Variants in PLAGL1 observed in about 807,000 individuals in gnomAD.
The protein encoded by PLAGL1 is zinc finger protein PLAGL1.
Under a neutral mutation model 4.6 loss-of-function variants are expected in PLAGL1, and 1 was observed. That is an observed-to-expected ratio of 0.22 (90% CI 0.08 to 1.03). The LOEUF (loss-of-function observed/expected upper bound fraction) is 1.03, where lower values mean the gene tolerates loss of function less well. PLAGL1 is among the 50% of genes least tolerant of loss of function. PLAGL1 has a pLI of 0.58. For synonymous variants in PLAGL1, 240 were observed against 237.8 expected, an observed-to-expected ratio of 1.01 and a Z score of -0.08; for missense variants, 464 against 570.4, an observed-to-expected ratio of 0.81 and a Z score of 1.90.
rs1406235960 is a variant in PLAGL1, at chr6:144,006,353, G to A, written c.-584+1737C>T. ...CCCAGTGTGTATCATTTAACAAAGAGTTACAAAGCAAACACCCATGTAACC... is the reference window on the plus strand; with the variant it reads ...CCCAGTGTGTATCATTTAACAAAGAATTACAAAGCAAACACCCATGTAACC... On this transcript the variant is annotated intron_variant, in intron 1 of 7. Transcript: ENST00000674357. The surrounding 1 kb of genome is among the most constrained non-coding windows in gnomAD (Gnocchi z 4.3). 1 of 152,114 alleles carries A rather than the reference G, an allele frequency of 6.6e-6. No individual in the cohort carries two copies. Among genetic ancestry groups the A allele is most frequent in the Non-Finnish European group, 1.5e-5 (1 of 68,026 alleles). 9.4% of individuals were successfully genotyped at this position (152,114 alleles called of 1,614,324 possible). A position where few individuals can be genotyped will look rare whatever the true frequency, so the allele number is the denominator to read the frequency against.
At chr6:144,009,062 G>C (rs889099495), upstream of PLAGL1, among the ~76,000 whole-genome samples, 1 of 152,212 alleles carries the variant, frequency 6.6e-6, no homozygotes, top group Admixed American at 6.5e-5. Flanking sequence ...TACGTAAAAA[G>C]ATTAAGAGAG....
In PLAGL1 at chr6:144,059,816, G is replaced by A. The variant is rs935367515; in HGVS notation, c.-151+4652C>T. 1.3e-5 allele frequency among the ~76,000 whole-genome samples: 2 copies of A among 152,098 alleles called. No homozygotes were observed. The highest frequency in any genetic ancestry group is 2.9e-5 in the Non-Finnish European group (2 of 68,018). On this transcript the variant is annotated intron_variant, in intron 1 of 3. Transcript: ENST00000437412. The surrounding 1 kb of genome is among the most constrained non-coding windows in gnomAD (Gnocchi z 4.9). ...CTGCTTTAGTCTTTTGGGGTACCTA[G>A]GGCCTTTTTGAGAGATCAGCCTTGA...
rs1360939377 is a variant in PLAGL1, at chr6:143,955,768, T to C, written c.-325+4701A>G. Among the ~76,000 whole-genome samples the C allele has an allele frequency of 1.3e-5, 2 of 151,918 alleles. No homozygotes were observed. Among genetic ancestry groups the C allele is most frequent in the African/African-American group, 4.8e-5 (2 of 41,334 alleles). ...ACGTATAAGACATGCTGGAGGGTGG[T>C]GGGCTGGATAATGAGATCATTTAGG... On this transcript the variant is annotated intron_variant, in intron 6 of 7. Coordinates refer to ENST00000674357, the MANE Select transcript of PLAGL1 (RefSeq NM_001317162.2). This position sits in a 1 kb window ranked among gnomAD's most constrained non-coding sequence, Gnocchi z 4.9.
At chr6:144,060,906 C>T (rs1281889753) in intron 1 of PLAGL1, among the ~76,000 whole-genome samples, 1 of 152,210 alleles carries the variant, frequency 6.6e-6, no homozygotes, top group African/African-American at 2.4e-5. Context: ...ATAAAGCTGA[C>T]TATTTCTCTA....
rs1171208780 is a variant in PLAGL1, at chr6:144,027,490, T to C, written c.-151+36978A>G. On this transcript the variant is annotated intron_variant, in intron 1 of 3. Coordinates refer to the PLAGL1 transcript ENST00000437412. The surrounding 1 kb of genome is among the most constrained non-coding windows in gnomAD (Gnocchi z 5.8). ...AATAGGAGAAATAGGAGAATGCAGA[T>C]ACCACTCAAGAGTGAGGGAGTAGAA... Among the ~76,000 whole-genome samples the C allele has an allele frequency of 6.6e-6, 1 of 152,066 alleles. No individual in the cohort carries two copies. The highest frequency in any genetic ancestry group is 6.6e-5 in the Admixed American group (1 of 15,256).
At position 144,050,469 on chromosome 6, in the gene PLAGL1, A is replaced by G. The variant is rs1477764573; in HGVS notation, c.-151+13999T>C. Among the ~76,000 whole-genome samples the G allele has an allele frequency of 6.6e-6, 1 of 152,182 alleles. No homozygotes were observed. Among genetic ancestry groups the G allele is most frequent in the Non-Finnish European group, 1.5e-5 (1 of 68,022 alleles). ...TCTTTTCTTCTGTCTGAGGAGAGAAAGATTCTTCTACACTCTTTTAAGGCT... is the reference window on the plus strand; with the variant it reads ...TCTTTTCTTCTGTCTGAGGAGAGAAGGATTCTTCTACACTCTTTTAAGGCT... On this transcript the variant is annotated intron_variant, in intron 1 of 3. Coordinates refer to the PLAGL1 transcript ENST00000437412. The surrounding 1 kb of genome is among the most constrained non-coding windows in gnomAD (Gnocchi z 4.3).
rs186764842 is a variant in PLAGL1, at chr6:143,957,565, G to A, written c.-325+2904C>T. ...GGAACCAGAACTCTAATTAGCAGCAGGACCTATTATTTTTCCAATAAGGTT... is the reference window on the plus strand; with the variant it reads ...GGAACCAGAACTCTAATTAGCAGCAAGACCTATTATTTTTCCAATAAGGTT... On this transcript the variant is annotated intron_variant, in intron 6 of 7. Coordinates refer to ENST00000674357, the MANE Select transcript of PLAGL1 (RefSeq NM_001317162.2). This position sits in a 1 kb window ranked among gnomAD's most constrained non-coding sequence, Gnocchi z 4.2. Among the ~76,000 whole-genome samples the A allele has an allele frequency of 1.3e-4, 20 of 152,306 alleles. No homozygotes were observed. The highest frequency in any genetic ancestry group is 4.1e-4 in the South Asian group (2 of 4,826).
Position 143,941,610 on chromosome 6 carries a change from A to G in PLAGL1, c.1206T>C (p.Thr402=). 13 of 1,613,714 alleles carry G rather than the reference A, an allele frequency of 8.1e-6. No homozygotes were observed. Among genetic ancestry groups the G allele is most frequent in the South Asian group, 1.1e-5 (1 of 91,072 alleles). ...PATQNTFGNS[T]LALGPGESLP... ...AAGATTCCCCAGGCCCCAGGGCAAG[A>G]GTGCTATTCCCAAAGGTATTTTGGG... The change falls in exon 8 of 8, where the codon ACT becomes ACC. Residue 402 remains threonine (T), a synonymous_variant. Transcript: ENST00000674357. The surrounding 1 kb of genome is among the most constrained non-coding windows in gnomAD (Gnocchi z 6.0).
At position 143,948,794 on chromosome 6, in the gene PLAGL1, A is replaced by C. The variant is rs74422778; in HGVS notation, c.-324-334T>G. On this transcript the variant is annotated intron_variant, in intron 6 of 7. Transcript: ENST00000674357. The surrounding 1 kb of genome is among the most constrained non-coding windows in gnomAD (Gnocchi z 6.0). The stretch of plus-strand genomic sequence containing the variant: ...ACAACAACAACAACAACAACAACAA[A>C]CAAAAACCTCCCTCCCTCAGTGTGT... 1.8e-3 allele frequency among the ~76,000 whole-genome samples: 160 copies of C among 87,848 alleles called. No homozygotes were observed. The highest frequency in any genetic ancestry group is 8.7e-3 in the African/African-American group (153 of 17,582). 57.6% of individuals were successfully genotyped at this position (87,848 alleles called of 152,430 possible). A position where few individuals can be genotyped will look rare whatever the true frequency, so the allele number is the denominator to read the frequency against.
rs1483436581 is a variant in PLAGL1, at chr6:143,962,757, G to A, written c.-399+2030C>T. Among the ~76,000 whole-genome samples, 6 of 152,098 alleles carry A rather than the reference G, an allele frequency of 3.9e-5. No individual in the cohort carries two copies. The highest frequency in any genetic ancestry group is 3.9e-4 in the Admixed American group (6 of 15,260). The stretch of plus-strand genomic sequence containing the variant: ...AGCTCATTCACTTCTAGCGACTCCT[G>A]GTTTTACTTAAGCAAATTCTCCAAA... On this transcript the variant is annotated intron_variant, in intron 5 of 7. Coordinates refer to ENST00000674357, the MANE Select transcript of PLAGL1 (RefSeq NM_001317162.2). The surrounding 1 kb of genome is among the most constrained non-coding windows in gnomAD (Gnocchi z 5.3).
At chr6:144,024,254 A>G (rs929671749) in intron 1 of PLAGL1, among the ~76,000 whole-genome samples, 1 of 152,166 alleles carries the variant, frequency 6.6e-6, no homozygotes, top group African/African-American at 2.4e-5. Context: ...TTCTCCAATA[A>G]AAGGAACCAT....
At chr6:144,003,587 G>T (rs1397624434) in intron 1 of PLAGL1, among the ~76,000 whole-genome samples, 1 of 142,920 alleles carries the variant, frequency 7.0e-6, no homozygotes, top group Non-Finnish European at 1.5e-5. Flanking sequence ...TCGTGCCACT[G>T]CACTCCAGCC....
chr6:144,013,676 G>A lies in PLAGL1; in HGVS notation c.-150-44698C>T, dbSNP rs80155807. On this transcript the variant is annotated intron_variant, in intron 1 of 3. Transcript: ENST00000437412. This position sits in a 1 kb window ranked among gnomAD's most constrained non-coding sequence, Gnocchi z 4.4. ...ACCACTGCCATTCCCTGGCTTCCTCGGCTTCCTTGGCTTGCGGCCACAGCA... is the reference window on the plus strand; with the variant it reads ...ACCACTGCCATTCCCTGGCTTCCTCAGCTTCCTTGGCTTGCGGCCACAGCA... Among the ~76,000 whole-genome samples the A allele has an allele frequency of 0.14, 20,640 of 152,134 alleles. 1,828 individuals are homozygous for A. The highest frequency in any genetic ancestry group is 0.26 in the Admixed American group (3,909 of 15,300).
At position 143,963,989 on chromosome 6, in the gene PLAGL1, C is replaced by A. The variant is rs1783912330; in HGVS notation, c.-399+798G>T. Among the ~76,000 whole-genome samples, 1 of 152,124 alleles carries A rather than the reference C, an allele frequency of 6.6e-6. No individual in the cohort carries two copies. Among genetic ancestry groups the A allele is most frequent in the Non-Finnish European group, 1.5e-5 (1 of 68,022 alleles). On this transcript the variant is annotated intron_variant, in intron 5 of 7. Coordinates refer to ENST00000674357, the MANE Select transcript of PLAGL1 (RefSeq NM_001317162.2). The surrounding 1 kb of genome is among the most constrained non-coding windows in gnomAD (Gnocchi z 6.1). The stretch of plus-strand genomic sequence containing the variant: ...CTGTCTTTGTTAACAATATCTAAAC[C>A]CAGAGAAGAAATTCTGCTGGACTTC...
chr6:143,991,546 T>C (rs1001797271), intron 1 of PLAGL1, among the ~76,000 whole-genome samples: 10 of 152,320 alleles, frequency 6.6e-5, no homozygotes, highest in African/African-American at 2.4e-4. Context: ...ATTCAGACAT[T>C]GCACTCGCTC....
Position 143,997,012 on chromosome 6 carries a change from G to C in PLAGL1, c.-584+11078C>G, listed in dbSNP as rs1393664336. Among the ~76,000 whole-genome samples, 3 of 152,012 alleles carry C rather than the reference G, an allele frequency of 2.0e-5. No individual in the cohort carries two copies. The highest frequency in any genetic ancestry group is 4.4e-5 in the Non-Finnish European group (3 of 68,012). The stretch of plus-strand genomic sequence containing the variant: ...AAACCACTAAAAACCCGATAAACTG[G>C]ATTTCATTAAGACACCAAAAGACAG... On this transcript the variant is annotated intron_variant, in intron 1 of 7. Transcript: ENST00000674357. The surrounding 1 kb of genome is among the most constrained non-coding windows in gnomAD (Gnocchi z 4.6).
At position 143,962,367 on chromosome 6, in the gene PLAGL1, A is replaced by T. The variant is rs908395030; in HGVS notation, c.-398-1825T>A. On this transcript the variant is annotated intron_variant, in intron 5 of 7. Transcript: ENST00000674357. The surrounding 1 kb of genome is among the most constrained non-coding windows in gnomAD (Gnocchi z 5.3). ...ATTATTCTTTTTTAAGTATGTGGTT[A>T]AAAATGACCCTATAAAATTAAACAA... Among the ~76,000 whole-genome samples the T allele has an allele frequency of 1.3e-5, 2 of 152,252 alleles. No individual in the cohort carries two copies. Among genetic ancestry groups the T allele is most frequent in the African/African-American group, 4.8e-5 (2 of 41,462 alleles).
rs118033560 is a variant in PLAGL1, at chr6:144,059,017, C to A, written c.-151+5451G>T. 1.0e-3 allele frequency among the ~76,000 whole-genome samples: 152 copies of A among 152,342 alleles called. 4 individuals carry two copies. The East Asian group carries it at 0.028, about 28-fold the overall frequency. On this transcript the variant is annotated intron_variant, in intron 1 of 3. Transcript: ENST00000437412. The surrounding 1 kb of genome is among the most constrained non-coding windows in gnomAD (Gnocchi z 4.9). ...GGGGTACTCTGTGTGGTGGCTCCAG[C>A]CCCACATTTTCCCTCTACATTGCCC...
At chr6:143,981,910 T>C (rs1788033859) in intron 2 of PLAGL1, among the ~76,000 whole-genome samples, 1 of 152,184 alleles carries the variant, frequency 6.6e-6, no homozygotes, top group African/African-American at 2.4e-5. Context: ...CTTTCCTATC[T>C]TTGTGGGATA....
Sources: allele counts gnomAD v4.1 joint callset (sites outside exome capture counted in the v4.1 genomes callset), GRCh38; gene constraint gnomAD v4.1.1; non-coding constraint Gnocchi (gnomAD v3.1); transcripts MANE v1.5; gene names NCBI Gene and HGNC (gene_info 2026-07-23, HGNC 2026-07-21).